Variants in SLC1A1 observed in about 807,000 individuals in gnomAD.
SLC1A1 encodes the protein solute carrier family 1 member 1.
Under a neutral mutation model 53.3 loss-of-function variants are expected in SLC1A1, and 43 were observed. The observed-to-expected ratio is 0.81, with a 90% CI of 0.63 to 1.04. SLC1A1 has a LOEUF of 1.04. Ranked by LOEUF, SLC1A1 falls within the 50% of genes least tolerant of loss-of-function variation. SLC1A1 has a pLI of 0.00. For synonymous variants in SLC1A1, 307 were observed against 243.2 expected, an observed-to-expected ratio of 1.26 and a Z score of -2.44; for missense variants, 748 against 664.9, an observed-to-expected ratio of 1.12 and a Z score of -1.37.
intron 2 of SLC1A1, among the ~76,000 whole-genome samples, chr9:4,557,730 G>A (rs932764195): frequency 4.6e-5 from 7 of 152,196 alleles, no homozygotes; most frequent in Non-Finnish European, 1.0e-4. Context: ...TGTGGCTACT[G>A]CAGGGGACAG....
chr9:4,497,586 T>C (rs1222083093), intron 1 of SLC1A1, among the ~76,000 whole-genome samples: 1 of 152,194 alleles, frequency 6.6e-6, no homozygotes, highest in Admixed American at 6.5e-5. Flanking sequence ...TAAATCAAAC[T>C]CTATTACCTC....
At chr9:4,564,572 T>C in intron 4 of SLC1A1, 114 bp downstream of exon 4, 1 of 745,364 alleles carries the variant, frequency 1.3e-6, no homozygotes. Flanking sequence ...ACTTTTGAAT[T>C]ATTGTGCACT....
At chr9:4,562,333 C>G (rs1357781259) in intron 3 of SLC1A1, among the ~76,000 whole-genome samples, 1 of 152,172 alleles carries the variant, frequency 6.6e-6, no homozygotes, top group Non-Finnish European at 1.5e-5. Context: ...CTTGGCCTCC[C>G]AAAGTGCTGG....
rs763282092 is a variant in SLC1A1, at chr9:4,564,416, C to A, written c.398C>A (p.Thr133Asn). ...GGTGAAATTGCGAGGACAGGCAGCA[C>A]CCCTGAAGTCAGTACGGTGGATGCC... ...KVGEIARTGS[T>N]PEVSTVDAML... The change falls in exon 4 of 12, where the codon ACC (threonine) becomes AAC (asparagine). Residue 133 changes from threonine (T) to asparagine (N), a missense_variant. Transcript: ENST00000262352. 7 of 1,613,712 alleles carry A rather than the reference C, an allele frequency of 4.3e-6. No individual in the cohort carries two copies. The highest frequency in any genetic ancestry group is 3.3e-5 in the South Asian group (3 of 90,950).
At chr9:4,490,797 C>T (rs372508015) in intron 1 of SLC1A1, 27 bp downstream of exon 1, 65 of 1,579,954 alleles carry the variant, frequency 4.1e-5, no homozygotes, top group Middle Eastern at 1.7e-4. Context: ...GTGGGCGATG[C>T]GCGCACCCTC....
At chr9:4,545,212 T>TCTCTCTCTCTCTCTCTC (rs1314980783) in intron 2 of SLC1A1, among the ~76,000 whole-genome samples, 4 of 151,184 alleles carry the variant, frequency 2.6e-5, no homozygotes, top group Admixed American at 2.0e-4. Flanking sequence ...TCTCTCTCTC[T>TCTCTCTCTCTCTCTCTC]CTCTCTCCAC....
intron 1 of SLC1A1, among the ~76,000 whole-genome samples, chr9:4,497,638 G>A (rs1390242354): frequency 1.3e-5 from 2 of 152,226 alleles, no homozygotes; most frequent in East Asian, 3.9e-4. Flanking sequence ...TCTGATCTAT[G>A]TCAGCAACAT....
intron 1 of SLC1A1, among the ~76,000 whole-genome samples, chr9:4,501,027 C>T (rs189706710): frequency 7.2e-5 from 11 of 152,250 alleles, no homozygotes; most frequent in South Asian, 2.1e-4. Context: ...GAAGATAAGA[C>T]GTCCCACCAG....
At chr9:4,538,140 G>C (rs1047378811) in intron 1 of SLC1A1, among the ~76,000 whole-genome samples, 3 of 152,162 alleles carry the variant, frequency 2.0e-5, no homozygotes, top group Admixed American at 1.3e-4. Context: ...TTTTGCCAAA[G>C]TTAAGGACTC....
At chr9:4,560,255 T>C (rs1719589052) in intron 2 of SLC1A1, among the ~76,000 whole-genome samples, 1 of 152,164 alleles carries the variant, frequency 6.6e-6, no homozygotes, top group Admixed American at 6.5e-5. Flanking sequence ...GAATGGATAA[T>C]GACATTACTG....
At chr9:4,509,518 T>C (rs1222852044) in intron 1 of SLC1A1, among the ~76,000 whole-genome samples, 1 of 149,794 alleles carries the variant, frequency 6.7e-6, no homozygotes, top group Non-Finnish European at 1.5e-5. Context: ...AGGCAGGGCC[T>C]ATGTGGCTGC....
At chr9:4,506,484 A>C (rs1820813514) in intron 1 of SLC1A1, among the ~76,000 whole-genome samples, 2 of 152,270 alleles carry the variant, frequency 1.3e-5, no homozygotes, top group Non-Finnish European at 2.9e-5. Flanking sequence ...CTTAAATAGC[A>C]TGCCTGGGTC....
intron 1 of SLC1A1, among the ~76,000 whole-genome samples, chr9:4,498,111 G>T (rs148188862): frequency 1.3e-5 from 2 of 152,150 alleles, no homozygotes; most frequent in Non-Finnish European, 2.9e-5. Flanking sequence ...AGAACCTTTA[G>T]CTTTATGACT....
chr9:4,523,551 T>C (rs1440743918), intron 1 of SLC1A1, among the ~76,000 whole-genome samples: 1 of 152,242 alleles, frequency 6.6e-6, no homozygotes, highest in Non-Finnish European at 1.5e-5. Context: ...AGAATTTTGT[T>C]AATTTGGTCA....
chr9:4,518,353 G>T (rs1247919456), intron 1 of SLC1A1, among the ~76,000 whole-genome samples: 2 of 150,738 alleles, frequency 1.3e-5, no homozygotes, highest in Admixed American at 6.6e-5. Context: ...ACTGCATGGG[G>T]TTTTTTGTGG....
intron 1 of SLC1A1, among the ~76,000 whole-genome samples, chr9:4,495,469 G>T (rs1484890591): frequency 6.6e-6 from 1 of 152,146 alleles, no homozygotes; most frequent in Non-Finnish European, 1.5e-5. Context: ...TGAGAATAGT[G>T]TTCTGGAGTA....
intron 5 of SLC1A1, among the ~76,000 whole-genome samples, chr9:4,566,990 G>C (rs940774284): frequency 6.6e-6 from 1 of 152,142 alleles, no homozygotes; most frequent in Admixed American, 6.5e-5. Context: ...CTATTACAGG[G>C]GGCCTTTGCA....
chr9:4,522,424 T>C (rs1314312887), intron 1 of SLC1A1, among the ~76,000 whole-genome samples: 1 of 152,162 alleles, frequency 6.6e-6, no homozygotes, highest in African/African-American at 2.4e-5. Context: ...ATTTACATTA[T>C]ATTCTGTCTA....
At chr9:4,576,496 C>CAG (rs1820557466) in intron 9 of SLC1A1, 73 bp from the exon 10 acceptor site, 24 of 1,246,652 alleles carry the variant, frequency 1.9e-5, no homozygotes, top group Non-Finnish European at 2.6e-5. Context: ...TTTTGGAAGA[C>CAG]AGGCATGTCT....
Sources: gnomAD v4.1 joint callset for allele counts (sites outside exome capture counted in the v4.1 genomes callset) on GRCh38, gnomAD v4.1.1 for gene constraint, MANE v1.5 for transcripts, NCBI Gene and HGNC (gene_info 2026-07-23, HGNC 2026-07-21) for gene names.